The following KLC2 variants were observed in gnomAD, a reference collection of about 807,000 sequenced individuals.
The protein encoded by KLC2 is KLC 2.
Under a neutral mutation model 75.1 loss-of-function variants are expected in KLC2, and 35 were observed. That is an observed-to-expected ratio of 0.47 (90% CI 0.36 to 0.62). The LOEUF (loss-of-function observed/expected upper bound fraction) is 0.62. KLC2 is among the 20% of genes least tolerant of loss of function. KLC2 has a pLI of 0.00. For missense variants in KLC2, 611 were observed against 833.2 expected (o/e 0.73, Z 3.28); for synonymous variants, 314 against 336.7 (o/e 0.93, Z 0.74).
chr11:66,254,551 G>C (rs1278141969), upstream of KLC2, among the ~76,000 whole-genome samples: 1 of 151,482 alleles, frequency 6.6e-6, no homozygotes, highest in Non-Finnish European at 1.5e-5. Flanking sequence ...TGTAGTCCCA[G>C]CTACTCAAGA....
intron 2 of KLC2, chr11:66,260,900 A>C (rs531306669): frequency 6.6e-6 from 1 of 151,668 alleles, no homozygotes; most frequent in Non-Finnish European, 1.5e-5. Context: ...TGGCCAAAAA[A>C]TTTTTTAAAT....
Position 66,261,683 on chromosome 11 carries a change from T to C in KLC2, c.229-59T>C, listed in dbSNP as rs935714771. Reference sequence around the variant, plus strand: ...TGCCAGAGCCCAACTAGGCCCAGGCTACAGTCATAGGCGAGGGGGTCGACA... The same window carrying C: ...TGCCAGAGCCCAACTAGGCCCAGGCCACAGTCATAGGCGAGGGGGTCGACA... On this transcript the variant is annotated intron_variant, in intron 2 of 15. Transcript: ENST00000394067. 5.2e-6 allele frequency: 6 copies of C among 1,161,446 alleles called. No homozygotes were observed. In the African/African-American group the frequency reaches 6.1e-5, roughly 12 times the overall value. 71.9% of individuals were successfully genotyped at this position (1,161,446 alleles called of 1,614,324 possible).
At chr11:66,263,174 G>T in intron 5 of KLC2, 138 bp downstream of exon 5, 1 of 644,336 alleles carries the variant, frequency 1.6e-6, no homozygotes, top group Non-Finnish European at 2.7e-6. Context: ...AAACTGTCTA[G>T]TGTAAGAGAG....
chr11:66,255,544 A>C (rs145165938), upstream of KLC2, among the ~76,000 whole-genome samples: 8 of 152,216 alleles, frequency 5.3e-5, no homozygotes, highest in East Asian at 1.5e-3. Flanking sequence ...GAAGGATCAC[A>C]GATCCCAAAC....
At chr11:66,252,609 G>A (rs1354879147), upstream of KLC2, among the ~76,000 whole-genome samples, 1 of 152,156 alleles carries the variant, frequency 6.6e-6, no homozygotes, top group Non-Finnish European at 1.5e-5. Context: ...AACAAAGTAG[G>A]TAATAGGAAC....
chr11:66,264,944 C>T, intron 9 of KLC2, 79 bp from the exon 10 acceptor site: 1 of 1,438,836 alleles, frequency 7.0e-7, no homozygotes, highest in Non-Finnish European at 9.6e-7. Flanking sequence ...TCTCCCCTCC[C>T]CTGACCCCAG....
chr11:66,255,066 C>T (rs1476128045), upstream of KLC2, among the ~76,000 whole-genome samples: 2 of 152,220 alleles, frequency 1.3e-5, no homozygotes, highest in Non-Finnish European at 2.9e-5. Flanking sequence ...GTGCCTTGTG[C>T]TCCATATTCT....
Position 66,267,557 on chromosome 11 carries a change from C to T in KLC2, c.*601C>T, listed in dbSNP as rs1590879746. 2 of 632,352 alleles carry T rather than the reference C, an allele frequency of 3.2e-6. No individual in the cohort carries two copies. Among genetic ancestry groups the T allele is most frequent in the African/African-American group, 1.8e-5 (1 of 54,630 alleles). 39.2% of individuals were successfully genotyped at this position (632,352 alleles called of 1,614,324 possible). A position where few individuals can be genotyped will look rare whatever the true frequency, so the allele number is the denominator to read the frequency against. Reference sequence around the variant, plus strand: ...TGGCCTCTGAGGGATGCGTCCTACCCGCGCCATCGCCCCGTGGCCCAGGAC... The same window carrying T: ...TGGCCTCTGAGGGATGCGTCCTACCTGCGCCATCGCCCCGTGGCCCAGGAC... On this transcript the variant is annotated 3_prime_UTR_variant, in exon 16 of 16. Transcript: ENST00000394067.
At chr11:66,264,981 A>G in intron 9 of KLC2, 42 bp from the exon 10 acceptor site, 1 of 1,603,754 alleles carries the variant, frequency 6.2e-7, no homozygotes, top group Non-Finnish European at 8.5e-7. Flanking sequence ...ACCAGGTGAG[A>G]CCTATATGGT....
intron 4 of KLC2, 40 bp downstream of exon 4, chr11:66,262,232 G>C: frequency 1.3e-6 from 2 of 1,543,646 alleles, no homozygotes; most frequent in Non-Finnish European, 9.0e-7. Flanking sequence ...AGGAAAGGTT[G>C]TGTGAACTCT....
chr11:66,267,667 G>A lies in KLC2; in HGVS notation c.*711G>A. The A allele has an allele frequency of 3.1e-6, 1 of 318,068 alleles. No individual in the cohort carries two copies. The highest frequency in any genetic ancestry group is 6.0e-6 in the Non-Finnish European group (1 of 166,070). 19.7% of individuals were successfully genotyped at this position (318,068 alleles called of 1,614,324 possible). ...TGCACTGCCCCTCCCACCCGGCCCC[G>A]CCCAGGCACGGCCGACCCCGCCCCG... On this transcript the variant is annotated 3_prime_UTR_variant, in exon 16 of 16. Coordinates refer to ENST00000394067, the MANE Select transcript of KLC2 (RefSeq NM_001318734.2).
chr11:66,256,529 C>A (rs1345036050), upstream of KLC2, among the ~76,000 whole-genome samples: 1 of 152,112 alleles, frequency 6.6e-6, no homozygotes, highest in East Asian at 1.9e-4. Flanking sequence ...GCAGAGGTTG[C>A]AGTGAGCCAA....
chr11:66,266,886 GTCTC>G lies in KLC2; in HGVS notation c.1803_1806del (p.Ser602ThrfsTer65). The G allele has an allele frequency of 1.2e-6, 2 of 1,613,438 alleles. No homozygotes were observed. The highest frequency in any genetic ancestry group is 1.7e-6 in the Non-Finnish European group (2 of 1,180,004). On this transcript the variant is annotated frameshift_variant, in exon 16 of 16. Transcript: ENST00000394067. LOFTEE classifies it high-confidence loss of function. ...CTCTGCCCACAGCCTGGAGGCACAG[GTCTC>G]TCTGACAGCCGCACTCTCAGCTCCA...
chr11:66,266,738 C>G, intron 15 of KLC2, 135 bp from the exon 16 acceptor site: 1 of 963,032 alleles, frequency 1.0e-6, no homozygotes, highest in Non-Finnish European at 1.7e-6. Context: ...AGGGTGTGGC[C>G]TTGGGTCAGA....
At chr11:66,266,794 C>A in intron 15 of KLC2, 79 bp from the exon 16 acceptor site, 1 of 1,464,782 alleles carries the variant, frequency 6.8e-7, no homozygotes, top group Non-Finnish European at 9.6e-7. Context: ...CTGCCTCTGC[C>A]AGGTCAGACC....
At chr11:66,260,579 C>T (rs1435846542) in intron 2 of KLC2, among the ~76,000 whole-genome samples, 1 of 151,950 alleles carries the variant, frequency 6.6e-6, no homozygotes, top group Non-Finnish European at 1.5e-5. Context: ...CTTCATGAGA[C>T]CCTGTATCTA....
rs1856598501 is a variant in KLC2 at position 66,263,683 on chromosome 11, C to T, written c.776C>T (p.Ala259Val). 1 of 1,613,734 alleles carries T rather than the reference C, an allele frequency of 6.2e-7. No homozygotes were observed. Among genetic ancestry groups the T allele is most frequent in the African/African-American group, 1.3e-5 (1 of 74,902 alleles). ...AGGGATCAGAACAAGTACAAGGAGG[C>T]TGCCCACCTGCTCAATGATGCTCTG... ...VYRDQNKYKE[A>V]AHLLNDALAI... Residue 259 changes from alanine (A) to valine (V), a missense_variant, in exon 6 of 16, where the codon GCT (alanine) becomes GTT (valine). Ala to Val is a moderately conservative substitution (Grantham distance 64). Coordinates refer to ENST00000394067, the MANE Select transcript of KLC2 (RefSeq NM_001318734.2).
At chr11:66,244,994 C>T in the KLC2 span, 1 of 152,248 alleles carries the variant, frequency 6.6e-6, no homozygotes, top group Admixed American at 6.5e-5. Context: ...TCCCCAAATC[C>T]ACCTCCCAAG....
Position 66,261,857 on chromosome 11 carries a change from G to T in KLC2, c.344G>T (p.Gly115Val). Reference protein sequence around the residue: ...ENQWLREELAGTQQKLQRSEQ... With the variant: ...ENQWLREELAVTQQKLQRSEQ... ...CAGTGGCTGCGTGAGGAGCTGGCGGGGACACAGCAGAAGCTGCAGCGCAGT... is the reference window on the plus strand; with the variant it reads ...CAGTGGCTGCGTGAGGAGCTGGCGGTGACACAGCAGAAGCTGCAGCGCAGT... Residue 115 changes from glycine (G) to valine (V), a missense_variant, in exon 3 of 16, where the codon GGG (glycine) becomes GTG (valine). Physicochemically the swap from Gly to Val is moderately radical, Grantham distance 109. Transcript: ENST00000394067. The T allele has an allele frequency of 6.2e-7, 1 of 1,613,970 alleles. No homozygotes were observed. The highest frequency in any genetic ancestry group is 8.5e-7 in the Non-Finnish European group (1 of 1,179,980).
Sources: allele counts gnomAD v4.1 joint callset (sites outside exome capture counted in the v4.1 genomes callset), GRCh38; gene constraint gnomAD v4.1.1; transcripts MANE v1.5; gene names NCBI Gene and HGNC (gene_info 2026-07-23, HGNC 2026-07-21).